MACROD2: variants seen among roughly 807,000 people sequenced by gnomAD.
The protein encoded by MACROD2 is ADP-ribose glycohydrolase MACROD2.
In MACROD2, 36 loss-of-function variants were observed where a neutral mutation model predicts 70.4. That is an observed-to-expected ratio of 0.51 (90% confidence interval 0.39 to 0.68). MACROD2 has a LOEUF of 0.68. Among genes scored for constraint, MACROD2 ranks in the 30% least tolerant of loss-of-function variants. MACROD2 has a pLI of 0.00. For missense variants in MACROD2, 496 were observed against 538.4 expected (o/e 0.92, Z 0.78); for synonymous variants, 172 against 178.8 (o/e 0.96, Z 0.30).
At chr20:14,747,588 A>G (rs2071815602) in intron 5 of MACROD2, among the ~76,000 whole-genome samples, 1 of 152,080 alleles carries the variant, frequency 6.6e-6, no homozygotes, top group Non-Finnish European at 1.5e-5. Context: ...CATTTCACTC[A>G]CTGGAAGGCT....
At chr20:14,810,095 A>G (rs1259617697) in intron 5 of MACROD2, among the ~76,000 whole-genome samples, 6 of 152,158 alleles carry the variant, frequency 3.9e-5, no homozygotes, top group Non-Finnish European at 7.4e-5. Flanking sequence ...GTATAAGGCC[A>G]GCATCATCCT....
At chr20:14,083,118 T>C (rs866538113) in intron 2 of MACROD2, among the ~76,000 whole-genome samples, 11 of 70,732 alleles carry the variant, frequency 1.6e-4, no homozygotes, top group Non-Finnish European at 8.2e-5. Flanking sequence ...TTTGTCACCT[T>C]TGTAAAAAAA....
At chr20:14,703,881 C>T (rs963787069) in intron 5 of MACROD2, among the ~76,000 whole-genome samples, 1 of 151,962 alleles carries the variant, frequency 6.6e-6, no homozygotes, top group African/African-American at 2.4e-5. Flanking sequence ...CGCACACTAC[C>T]ACACCTGGCT....
chr20:15,889,472 A>G (rs1382744099), intron 10 of MACROD2, among the ~76,000 whole-genome samples: 1 of 152,136 alleles, frequency 6.6e-6, no homozygotes, highest in Non-Finnish European at 1.5e-5. Flanking sequence ...CCCAAAATTC[A>G]TGTCCTTTAC....
chr20:14,846,880 C>T lies in MACROD2; in HGVS notation c.418+161921C>T, dbSNP rs557648759. On this transcript the variant is annotated intron_variant, in intron 5 of 17. Coordinates refer to ENST00000684519, the MANE Select transcript of MACROD2 (RefSeq NM_001351661.2). ...ATTTTATTTCAGTTATAAAAATGTT[C>T]ATTACCATTTGGCATATTCCTCAGC... Among the ~76,000 whole-genome samples, 8 of 152,202 alleles carry T rather than the reference C, an allele frequency of 5.3e-5. No homozygotes were observed. The South Asian group carries it at 1.0e-3, about 20-fold the overall frequency.
At chr20:15,115,775 G>T (rs1408046351) in intron 5 of MACROD2, among the ~76,000 whole-genome samples, 5 of 152,120 alleles carry the variant, frequency 3.3e-5, no homozygotes, top group Non-Finnish European at 5.9e-5. Flanking sequence ...GATGTATACT[G>T]TATGTAGCGA....
At chr20:15,504,357 C>A (rs1341502408) in intron 8 of MACROD2, among the ~76,000 whole-genome samples, 1 of 151,826 alleles carries the variant, frequency 6.6e-6, no homozygotes, top group Non-Finnish European at 1.5e-5. Flanking sequence ...AGAGCTAAAG[C>A]AGCACTTTAA....
intron 3 of MACROD2, among the ~76,000 whole-genome samples, chr20:14,393,310 A>G (rs1270423344): frequency 6.6e-6 from 1 of 152,164 alleles, no homozygotes; most frequent in Non-Finnish European, 1.5e-5. Flanking sequence ...GCAAACAGAA[A>G]TTAATGTTTG....
intron 2 of MACROD2, among the ~76,000 whole-genome samples, chr20:14,057,165 C>A (rs1229538985): frequency 6.6e-6 from 1 of 152,106 alleles, no homozygotes; most frequent in African/African-American, 2.4e-5. Flanking sequence ...AAGAGAATAT[C>A]TTACATCTTT....
At chr20:15,366,026 T>C (rs1425575504) in intron 6 of MACROD2, among the ~76,000 whole-genome samples, 1 of 152,162 alleles carries the variant, frequency 6.6e-6, no homozygotes, top group Non-Finnish European at 1.5e-5. Context: ...ACTCAAGTAA[T>C]AGAGATATAG....
intron 5 of MACROD2, among the ~76,000 whole-genome samples, chr20:14,710,635 T>A (rs2071327423): frequency 6.6e-6 from 1 of 152,210 alleles, no homozygotes; most frequent in African/African-American, 2.4e-5. Flanking sequence ...TCTTTTAAGA[T>A]GATTCAGAAA....
chr20:14,831,501 G>A (rs1432118074), intron 5 of MACROD2, among the ~76,000 whole-genome samples: 1 of 151,724 alleles, frequency 6.6e-6, no homozygotes, highest in Non-Finnish European at 1.5e-5. Flanking sequence ...AACAACAGCC[G>A]GGTGCTGTGG....
intron 3 of MACROD2, among the ~76,000 whole-genome samples, chr20:14,461,010 C>T (rs894206826): frequency 6.6e-6 from 1 of 151,784 alleles, no homozygotes; most frequent in African/African-American, 2.4e-5. Flanking sequence ...GTACCAGCTC[C>T]TCTTTGTACC....
chr20:14,192,309 C>G (rs1412165114), intron 3 of MACROD2, among the ~76,000 whole-genome samples: 1 of 151,888 alleles, frequency 6.6e-6, no homozygotes, highest in Non-Finnish European at 1.5e-5. Context: ...ATAAATGGAT[C>G]CTATCCCAGC....
At position 15,625,133 on chromosome 20, in the gene MACROD2, A is replaced by G. The variant is rs540846501; in HGVS notation, c.645+125286A>G. ...AGCAGTAGCTGAATCTAAGAAATGAACCTTTTATACATTGGCTTACACTAT... is the reference window on the plus strand; with the variant it reads ...AGCAGTAGCTGAATCTAAGAAATGAGCCTTTTATACATTGGCTTACACTAT... On this transcript the variant is annotated intron_variant, in intron 8 of 17. Coordinates refer to ENST00000684519, the MANE Select transcript of MACROD2 (RefSeq NM_001351661.2). 1.2e-4 allele frequency among the ~76,000 whole-genome samples: 18 copies of G among 152,326 alleles called. No homozygotes were observed. The East Asian group carries it at 3.5e-3, about 29-fold the overall frequency.
intron 8 of MACROD2, among the ~76,000 whole-genome samples, chr20:15,833,843 G>A (rs1445669344): frequency 6.6e-6 from 1 of 152,090 alleles, no homozygotes; most frequent in East Asian, 1.9e-4. Context: ...CATTAAAAAC[G>A]TGACCATTAA....
At chr20:15,839,575 C>T (rs2064149637) in intron 8 of MACROD2, among the ~76,000 whole-genome samples, 1 of 152,102 alleles carries the variant, frequency 6.6e-6, no homozygotes. Context: ...TTGCCCCAGC[C>T]CACCTATGGT....
At chr20:15,675,366 A>G (rs2050042187) in intron 8 of MACROD2, among the ~76,000 whole-genome samples, 1 of 152,200 alleles carries the variant, frequency 6.6e-6, no homozygotes, top group African/African-American at 2.4e-5. Context: ...TACATTGCTG[A>G]CAGCCTCCCA....
chr20:14,907,812 C>T (rs2073977664), intron 5 of MACROD2, among the ~76,000 whole-genome samples: 2 of 152,050 alleles, frequency 1.3e-5, no homozygotes, highest in African/African-American at 4.8e-5. Context: ...ACTATTGATT[C>T]CCATTTGTTT....
Sources: allele counts gnomAD v4.1 joint callset (sites outside exome capture counted in the v4.1 genomes callset), GRCh38; gene constraint gnomAD v4.1.1; transcripts MANE v1.5; gene names NCBI Gene and HGNC (gene_info 2026-07-23, HGNC 2026-07-21).